Variants in KANK3 observed in about 807,000 individuals in gnomAD.
KANK3 encodes the protein KN motif and ankyrin repeat domain-containing protein 3.
Under a neutral mutation model 65.4 loss-of-function variants are expected in KANK3, and 61 were observed. The ratio of observed to expected loss-of-function variants is 0.93; its 90% confidence interval spans 0.76 to 1.15. The LOEUF is 1.15. Ranked by LOEUF, KANK3 falls within the 50% of genes most tolerant of loss-of-function variation. The pLI, the probability that KANK3 is intolerant of heterozygous loss-of-function variation, is 0.00. For synonymous variants in KANK3, 586 were observed against 543.3 expected (o/e 1.08, Z -1.09); for missense variants, 1,187 against 1,178.8 (o/e 1.01, Z -0.10).
chr19:8,334,384 T>G lies in KANK3; in HGVS notation c.1363A>C (p.Thr455Pro), dbSNP rs762733520. 8 of 1,613,978 alleles carry G rather than the reference T, an allele frequency of 5.0e-6. No individual in the cohort carries two copies. The African/African-American group carries it at 9.3e-5, about 19-fold the overall frequency. The change falls in exon 4 of 11, where the codon ACA (threonine) becomes CCA (proline). Residue 455 changes from threonine (T) to proline (P), a missense_variant. Around this residue, in one of 3 missense-constraint regions of KANK3, gnomAD observed 1,078 missense variants for 1,038.2 expected, o/e 1.04. Transcript: ENST00000330915. ...LKSIMKKRDG[T>P]PGAQPSSGPK... ...CCGGAGCTGGGTTGGGCACCAGGTG[T>G]GCCGTCTCTCTTCTTCATGATGGAT...
chr19:8,335,245 C>T lies in KANK3; in HGVS notation c.582G>A (p.Leu194=), dbSNP rs1367323398. Residue 194 remains leucine (L), a synonymous_variant, in exon 3 of 11, where the codon CTG becomes CTA. Transcript: ENST00000330915. ...GGTCCTCGAGCTCGCGCAGGCGCCG[C>T]AGCGCCGCGGCCATCTGCTCGCGCA... is the stretch of plus-strand genomic sequence containing the variant. The part of the protein sequence containing the change: ...QLVREQMAAA[L]RRLRELEDQA... The T allele has an allele frequency of 4.9e-6, 6 of 1,226,618 alleles. No homozygotes were observed. The highest frequency in any genetic ancestry group is 6.1e-6 in the Non-Finnish European group (6 of 982,630). 76.0% of individuals were successfully genotyped at this position (1,226,618 alleles called of 1,614,324 possible).
chr19:8,333,624 G>A lies in KANK3; in HGVS notation c.1719+100C>T. On this transcript the variant is annotated intron_variant, in intron 6 of 10. Coordinates refer to ENST00000330915, the MANE Select transcript of KANK3 (RefSeq NM_198471.3). This position sits in a 1 kb window ranked among gnomAD's most constrained non-coding sequence, Gnocchi z 5.0. ...AGCCTGGGGTCAGGCGAGGTGCCTG[G>A]CGGGAAGGGATGGAACCCGGTGTGC... is the stretch of plus-strand genomic sequence containing the variant. 1.0e-6 allele frequency: 1 copy of A among 963,646 alleles called. No individual in the cohort carries two copies. The highest frequency in any genetic ancestry group is 1.5e-6 in the Non-Finnish European group (1 of 681,598). The allele number at this position is 963,646 out of a possible 1,614,324, so 59.7% of individuals were successfully genotyped here. A position where few individuals can be genotyped will look rare whatever the true frequency, so the allele number is the denominator to read the frequency against.
In KANK3 at chr19:8,325,070, G is replaced by A. The variant is rs753714679; in HGVS notation, c.1963C>T (p.Arg655Ter). 1.6e-5 allele frequency: 26 copies of A among 1,613,288 alleles called. No individual in the cohort carries two copies. The highest frequency in any genetic ancestry group is 4.0e-5 in the African/African-American group (3 of 74,898). ...TGACEVNRQN[R>*]AGYSALMLAA... is the part of the protein sequence containing the mutation. ...AGCATGAGGGCCGAGTAGCCGGCTC[G>A]GTTCTGGCGGTTGACCTCGCAGGCC... Residue 655 changes from arginine (R) to a stop codon, truncating the protein, a stop_gained, in exon 8 of 11, where the codon CGA (arginine) becomes TGA (stop). Transcript: ENST00000330915. LOFTEE classifies it high-confidence loss of function.
At position 8,324,491 on chromosome 19, in the gene KANK3, A is replaced by G; in HGVS notation, c.2340T>C (p.Ala780=). 6.2e-7 allele frequency: 1 copy of G among 1,612,530 alleles called. No individual in the cohort carries two copies. Among genetic ancestry groups the G allele is most frequent in the Non-Finnish European group, 8.5e-7 (1 of 1,179,346 alleles). The part of the protein sequence containing the change: ...ALEAEQDEVA[A]LLHAHLSSGQ... ...CCGAGCTCAGGTGGGCATGTAGCAG[A>G]GCGGCCACCTCATCCTGCTCAGCCT... The change falls in exon 10 of 11, where the codon GCT becomes GCC. Residue 780 remains alanine, a synonymous_variant. Coordinates refer to ENST00000330915, the MANE Select transcript of KANK3 (RefSeq NM_198471.3).
In KANK3 at chr19:8,327,248, C is replaced by A. The variant is rs562656682; in HGVS notation, c.1937-2152G>T. 2.0e-5 allele frequency among the ~76,000 whole-genome samples: 3 copies of A among 152,170 alleles called. No homozygotes were observed. The South Asian group carries it at 6.2e-4, about 32-fold the overall frequency. ...AGGCATGGTGACTAACGCCTGTACA[C>A]CCAAATGCTTAGGGAGGCCAAGGCA... On this transcript the variant is annotated intron_variant, in intron 7 of 10. Transcript: ENST00000330915.
At chr19:8,326,994 T>C (rs998214933) in intron 7 of KANK3, among the ~76,000 whole-genome samples, 3 of 152,160 alleles carry the variant, frequency 2.0e-5, no homozygotes, top group Non-Finnish European at 2.9e-5. Flanking sequence ...CTGGTCCCTG[T>C]TCCTCACAGT....
intron 1 of KANK3, among the ~76,000 whole-genome samples, chr19:8,341,621 G>A (rs1288738289): frequency 6.6e-6 from 1 of 152,052 alleles, no homozygotes; most frequent in East Asian, 1.9e-4. Context: ...ATGTTGGCCA[G>A]GCTGGTCTCA....
At position 8,324,475 on chromosome 19, in the gene KANK3, G is replaced by A. The variant is rs932448597; in HGVS notation, c.2356C>T (p.Leu786=). Residue 786 remains leucine (L), a synonymous_variant, in exon 10 of 11, where the codon CTG becomes TTG. Coordinates refer to ENST00000330915, the MANE Select transcript of KANK3 (RefSeq NM_198471.3). ...TGGGTGTCGGGCTGGCCCGAGCTCA[G>A]GTGGGCATGTAGCAGAGCGGCCACC... The part of the protein sequence containing the change: ...DEVAALLHAH[L]SSGQPDTQSE... The A allele has an allele frequency of 3.1e-6, 5 of 1,610,312 alleles. No individual in the cohort carries two copies. Among genetic ancestry groups the A allele is most frequent in the Non-Finnish European group, 4.2e-6 (5 of 1,178,446 alleles).
chr19:8,335,722 C>A lies in KANK3; in HGVS notation c.105G>T (p.Ser35=), dbSNP rs1179912623. The change falls in exon 3 of 11, where the codon TCG becomes TCT. Residue 35 remains serine (S), a synonymous_variant. Transcript: ENST00000330915. ...GGARSPSSPY[S]VETPYGFHLD... is the part of the protein sequence containing the mutation. Reference sequence around the variant, plus strand: ...GGTGGAAGCCGTAGGGCGTCTCCACCGAGTAGGGCGAGCTCGGGCTGCGTG... The same window carrying A: ...GGTGGAAGCCGTAGGGCGTCTCCACAGAGTAGGGCGAGCTCGGGCTGCGTG... 4 of 1,247,934 alleles carry A rather than the reference C, an allele frequency of 3.2e-6. No homozygotes were observed. The South Asian group carries it at 1.6e-4, about 51-fold the overall frequency. 77.3% of individuals were successfully genotyped at this position (1,247,934 alleles called of 1,614,324 possible).
At chr19:8,326,974 T>C (rs1268510462) in intron 7 of KANK3, among the ~76,000 whole-genome samples, 4 of 152,190 alleles carry the variant, frequency 2.6e-5, no homozygotes, top group African/African-American at 9.6e-5. Flanking sequence ...GGATCAGTTC[T>C]GTTACCATCC....
intron 10 of KANK3, among the ~76,000 whole-genome samples, chr19:8,324,164 C>T (rs1433111052): frequency 6.6e-6 from 1 of 152,190 alleles, no homozygotes; most frequent in Admixed American, 6.5e-5. Context: ...GGTTTCACAC[C>T]TGTAATCCCA....
intron 2 of KANK3, among the ~76,000 whole-genome samples, chr19:8,337,503 G>A (rs1970662093): frequency 1.3e-5 from 2 of 151,992 alleles, no homozygotes; most frequent in Non-Finnish European, 1.5e-5. Context: ...ACCGAGCCGT[G>A]CCTGGCTAAT....
intron 10 of KANK3, 71 bp downstream of exon 10, chr19:8,324,378 G>T: frequency 7.3e-7 from 1 of 1,369,580 alleles, no homozygotes; most frequent in Non-Finnish European, 1.0e-6. Context: ...GGAGGCTCAG[G>T]GCATATTTAC....
At chr19:8,327,829 A>C (rs1970455820) in intron 7 of KANK3, among the ~76,000 whole-genome samples, 1 of 152,170 alleles carries the variant, frequency 6.6e-6, no homozygotes, top group African/African-American at 2.4e-5. Flanking sequence ...GTGGGTGTCC[A>C]TGCCTTCCAC....
chr19:8,331,703 C>T (rs950175370), intron 7 of KANK3, among the ~76,000 whole-genome samples: 3 of 152,112 alleles, frequency 2.0e-5, no homozygotes, highest in African/African-American at 7.2e-5. Flanking sequence ...TGGTGAGTAC[C>T]TCCCCTCCAG....
chr19:8,324,563 G>A lies in KANK3; in HGVS notation c.2284-16C>T. ...TGGTGCCCTCCTGTGGAACGTTAGG[G>A]ACAGTCAGATCCCTGAGCCAAGCCA... is the stretch of plus-strand genomic sequence containing the variant. On this transcript the variant is annotated splice_polypyrimidine_tract_variant and intron_variant, in intron 9 of 10. Transcript: ENST00000330915. The A allele has an allele frequency of 6.2e-7, 1 of 1,613,278 alleles. No homozygotes were observed.
At position 8,337,779 on chromosome 19, in the gene KANK3, CTTT is replaced by C. The variant is rs1327147044; in HGVS notation, c.34+13_34+15del. On this transcript the variant is annotated intron_variant, in intron 2 of 10. Transcript: ENST00000330915. ...CATGCGCACACACACACACATCTCT[CTTT>C]TTGCACACTCACCGGGCAGGTTCTG... 1 of 1,612,452 alleles carries C rather than the reference CTTT, an allele frequency of 6.2e-7. No homozygotes were observed. The highest frequency in any genetic ancestry group is 1.3e-5 in the African/African-American group (1 of 74,928).
chr19:8,327,913 T>C (rs773846466), intron 7 of KANK3, among the ~76,000 whole-genome samples: 2 of 152,216 alleles, frequency 1.3e-5, no homozygotes, highest in Non-Finnish European at 2.9e-5. Context: ...CCTTGCAGGC[T>C]AGCCAAGGAC....
intron 7 of KANK3, among the ~76,000 whole-genome samples, chr19:8,329,599 C>T (rs1299883123): frequency 6.6e-6 from 1 of 151,830 alleles, no homozygotes; most frequent in Non-Finnish European, 1.5e-5. Flanking sequence ...TGTTCCTGTC[C>T]CCATCTAGAA....
Sources: gnomAD v4.1 joint callset for allele counts (sites outside exome capture counted in the v4.1 genomes callset) on GRCh38, gnomAD v4.1.1 for gene constraint, gnomAD v4.1.1 regional missense constraint, Gnocchi (gnomAD v3.1) non-coding constraint, MANE v1.5 for transcripts, NCBI Gene and HGNC (gene_info 2026-07-23, HGNC 2026-07-21) for gene names.